LRRC49: variants seen among roughly 807,000 people sequenced by gnomAD.
LRRC49 encodes leucine-rich repeat-containing protein 49.
In LRRC49, 50 loss-of-function variants were observed where a neutral mutation model predicts 83.3. The ratio of observed to expected loss-of-function variants is 0.60; its 90% CI spans 0.48 to 0.76. LRRC49 has a LOEUF of 0.76. LRRC49 is among the 30% of genes least tolerant of loss of function. The pLI is 0.00. For missense variants in LRRC49, 704 were observed against 809.1 expected (o/e 0.87, Z 1.58); for synonymous variants, 286 against 283.3 (o/e 1.01, Z -0.10).
chr15:70,926,503 GT>G (rs1305029529), intron 7 of LRRC49, among the ~76,000 whole-genome samples: 1 of 152,024 alleles, frequency 6.6e-6, no homozygotes, highest in Admixed American at 6.6e-5. Flanking sequence ...GAAACTACCA[GT>G]TTTTTTGTTT....
intron 14 of LRRC49, among the ~76,000 whole-genome samples, chr15:71,019,809 T>C (rs550191527): frequency 6.6e-6 from 1 of 152,308 alleles, no homozygotes; most frequent in East Asian, 1.9e-4. Context: ...TCTCTAAATA[T>C]CTGGAAAAAG....
intron 14 of LRRC49, among the ~76,000 whole-genome samples, chr15:71,027,765 A>G (rs929104044): frequency 1.3e-5 from 2 of 152,192 alleles, no homozygotes; most frequent in African/African-American, 4.8e-5. Flanking sequence ...GTGTATAGGA[A>G]TGCCTGTGAT....
chr15:70,986,031 A>T (rs2037601673), intron 11 of LRRC49, among the ~76,000 whole-genome samples: 1 of 151,744 alleles, frequency 6.6e-6, no homozygotes, highest in Non-Finnish European at 1.5e-5. Flanking sequence ...TGGTTATTGT[A>T]GCCTTCCTTG....
intron 14 of LRRC49, among the ~76,000 whole-genome samples, chr15:71,022,247 C>T (rs186065829): frequency 2.6e-3 from 394 of 152,172 alleles, no homozygotes; most frequent in African/African-American, 9.1e-3. Context: ...GTGGAACGTG[C>T]CTGTAATCCC....
chr15:70,950,129 C>A (rs1002960452), intron 8 of LRRC49, among the ~76,000 whole-genome samples: 4 of 152,086 alleles, frequency 2.6e-5, no homozygotes, highest in Non-Finnish European at 5.9e-5. Flanking sequence ...CATGTTGCTG[C>A]AAAAGATATT....
intron 4 of LRRC49, among the ~76,000 whole-genome samples, chr15:70,902,770 G>A (rs2034135982): frequency 6.6e-6 from 1 of 152,144 alleles, no homozygotes; most frequent in Non-Finnish European, 1.5e-5. Flanking sequence ...GCACCAAGAA[G>A]GAAACACAGA....
intron 9 of LRRC49, among the ~76,000 whole-genome samples, chr15:70,965,033 G>T (rs576302952): frequency 7.9e-5 from 12 of 152,132 alleles, no homozygotes; most frequent in Non-Finnish European, 1.8e-4. Flanking sequence ...CCATGGTGGA[G>T]CTATGGTTCT....
At chr15:71,024,757 G>A (rs772222268) in intron 14 of LRRC49, among the ~76,000 whole-genome samples, 17 of 151,964 alleles carry the variant, frequency 1.1e-4, no homozygotes, top group African/African-American at 4.1e-4. Context: ...CTGGGTGAAG[G>A]CTGATTTGGA....
At chr15:70,864,353 C>T (rs771467607) in intron 1 of LRRC49, among the ~76,000 whole-genome samples, 3 of 151,990 alleles carry the variant, frequency 2.0e-5, no homozygotes, top group Non-Finnish European at 4.4e-5. Flanking sequence ...CTAAAGACAC[C>T]GAGAGGCCCT....
intron 15 of LRRC49, among the ~76,000 whole-genome samples, chr15:71,039,164 A>T (rs895261735): frequency 2.0e-5 from 3 of 152,196 alleles, no homozygotes; most frequent in Non-Finnish European, 4.4e-5. Context: ...AGAAGTATAA[A>T]ACATGTAAGG....
chr15:70,864,608 C>T (rs2032871239), intron 1 of LRRC49, among the ~76,000 whole-genome samples: 1 of 152,226 alleles, frequency 6.6e-6, no homozygotes, highest in Admixed American at 6.5e-5. Context: ...CGTGCAGTTT[C>T]AGATGCGTGA....
At chr15:71,004,585 G>A (rs1165029666) in intron 11 of LRRC49, among the ~76,000 whole-genome samples, 4 of 151,726 alleles carry the variant, frequency 2.6e-5, no homozygotes, top group African/African-American at 9.7e-5. Flanking sequence ...GGGAGGCGGA[G>A]GTTGCAGTGG....
intron 13 of LRRC49, among the ~76,000 whole-genome samples, chr15:71,012,418 T>C (rs2038683281): frequency 1.3e-5 from 2 of 152,096 alleles, no homozygotes; most frequent in Admixed American, 1.3e-4. Flanking sequence ...TTTGACACAT[T>C]ATTAAAATGA....
intron 1 of LRRC49, among the ~76,000 whole-genome samples, chr15:70,855,034 A>C (rs2032617447): frequency 6.6e-6 from 1 of 152,200 alleles, no homozygotes; most frequent in African/African-American, 2.4e-5. Flanking sequence ...GGACAGGAGC[A>C]TAGAAATGAA....
chr15:70,936,704 C>T, intron 7 of LRRC49, 57 bp from the exon 8 acceptor site: 1 of 998,906 alleles, frequency 1.0e-6, no homozygotes, highest in Non-Finnish European at 1.6e-6. Flanking sequence ...AGCAAGAAGA[C>T]ATTTATAATA....
chr15:70,992,900 T>A (rs1220891031), intron 11 of LRRC49, among the ~76,000 whole-genome samples: 6 of 152,200 alleles, frequency 3.9e-5, no homozygotes, highest in Non-Finnish European at 7.4e-5. Flanking sequence ...ACCTCTACTC[T>A]TCAAAGCTGT....
intron 11 of LRRC49, among the ~76,000 whole-genome samples, chr15:71,006,251 T>A (rs1277662151): frequency 6.6e-6 from 1 of 152,188 alleles, no homozygotes; most frequent in Non-Finnish European, 1.5e-5. Flanking sequence ...AAATAAATAA[T>A]CCCTTTCTGA....
intron 1 of LRRC49, chr15:70,860,126 G>A: frequency 1.4e-6 from 1 of 703,120 alleles, no homozygotes; most frequent in South Asian, 1.6e-5. Flanking sequence ...GTGATGGGAA[G>A]CTGGTGTCCA....
chr15:70,853,819 A>G, intron 1 of LRRC49: 1 of 1,115,686 alleles, frequency 9.0e-7, no homozygotes, highest in Non-Finnish European at 1.1e-6. Context: ...GCGCGCAGTC[A>G]GCGCCCCGAA....
Sources: allele counts gnomAD v4.1 joint callset (sites outside exome capture counted in the v4.1 genomes callset), GRCh38; gene constraint gnomAD v4.1.1; transcripts MANE v1.5; gene names NCBI Gene and HGNC (gene_info 2026-07-23, HGNC 2026-07-21).